Variants in FARP1 observed in about 807,000 individuals in gnomAD.
The protein encoded by FARP1 is FERM, ARHGEF and pleckstrin domain-containing protein 1.
FARP1 carries 52 observed loss-of-function variants against 128.8 expected under a neutral mutation model. That is an observed-to-expected ratio of 0.40 (90% CI 0.32 to 0.51). The LOEUF (loss-of-function observed/expected upper bound fraction) is 0.51. Ranked by LOEUF, FARP1 falls within the 20% of genes least tolerant of loss-of-function variation. FARP1 has a pLI of 0.45. For missense variants in FARP1, 1,333 were observed against 1,367.9 expected (o/e 0.97, Z 0.40); for synonymous variants, 580 against 551.8 (o/e 1.05, Z -0.72).
chr13:98,215,579 A>C (rs1881010131), intron 2 of FARP1, among the ~76,000 whole-genome samples: 1 of 152,216 alleles, frequency 6.6e-6, no homozygotes, highest in Non-Finnish European at 1.5e-5. Flanking sequence ...AATTCTTGAC[A>C]TGTAGTAAGA....
At chr13:98,188,324 C>T (rs1240387892) in intron 1 of FARP1, among the ~76,000 whole-genome samples, 8 of 152,098 alleles carry the variant, frequency 5.3e-5, no homozygotes, top group South Asian at 2.1e-4. Flanking sequence ...GAGGCCGAGG[C>T]GGGCGGATCA....
intron 1 of FARP1, among the ~76,000 whole-genome samples, chr13:98,190,152 G>C (rs768786973): frequency 6.6e-6 from 1 of 152,056 alleles, no homozygotes; most frequent in African/African-American, 2.4e-5. Flanking sequence ...TTTAATGGTG[G>C]TGGGATTAAA....
At chr13:98,385,582 C>G in intron 7 of FARP1, 85 bp from the exon 8 acceptor site, 1 of 1,469,892 alleles carries the variant, frequency 6.8e-7, no homozygotes, top group Admixed American at 1.7e-5. Flanking sequence ...CTTTGTATTT[C>G]CCAGGAGAAG....
intron 2 of FARP1, among the ~76,000 whole-genome samples, chr13:98,311,103 A>G (rs1457109077): frequency 6.6e-6 from 1 of 152,246 alleles, no homozygotes. Flanking sequence ...AGCAGAAACA[A>G]TCACACTTAC....
At position 98,389,982 on chromosome 13, in the gene FARP1, T is replaced by C. The variant is rs1890245331; in HGVS notation, c.881T>C (p.Phe294Ser). The stretch of plus-strand genomic sequence containing the variant: ...AGTGCGTACCAGGATACCTTGGAAT[T>C]CCTGATGGCCAGTCGGGATTTCTGC... ...ANSAYQDTLE[F>S]LMASRDFCKS... Residue 294 changes from phenylalanine to serine, a missense_variant, in exon 10 of 27, where the codon TTC becomes TCC. Transcript: ENST00000319562. 1 of 1,614,202 alleles carries C rather than the reference T, an allele frequency of 6.2e-7. No homozygotes were observed. The highest frequency in any genetic ancestry group is 8.5e-7 in the Non-Finnish European group (1 of 1,180,036).
Position 98,446,752 on chromosome 13 carries a change from G to A in FARP1, c.2991G>A (p.Val997=), listed in dbSNP as rs774777880. ...SESENIQKDY[V]FKLHFKSHVY... Reference sequence around the variant, plus strand: ...CCGAGAACATCCAGAAAGACTACGTGTTCAAGCTGCACTTCAAGTCCCACG... The same window carrying A: ...CCGAGAACATCCAGAAAGACTACGTATTCAAGCTGCACTTCAAGTCCCACG... Residue 997 remains valine (V), a synonymous_variant, in exon 26 of 27, where the codon GTG becomes GTA. Transcript: ENST00000319562. 29 of 1,614,046 alleles carry A rather than the reference G, an allele frequency of 1.8e-5. No individual in the cohort carries two copies. Among genetic ancestry groups the A allele is most frequent in the Non-Finnish European group, 2.5e-5 (29 of 1,180,040 alleles).
At chr13:98,384,004 T>C (rs1889991387) in intron 6 of FARP1, 1 of 152,218 alleles carries the variant, frequency 6.6e-6, no homozygotes, top group South Asian at 2.1e-4. Context: ...GCACTAGTCA[T>C]TGCTAATATA....
intron 1 of FARP1, among the ~76,000 whole-genome samples, chr13:98,209,299 C>T (rs759503342): frequency 7.9e-5 from 12 of 151,308 alleles, no homozygotes; most frequent in East Asian, 2.0e-4. Flanking sequence ...TGAGCCACCG[C>T]GCCCAGCCAA....
chr13:98,167,608 C>G (rs1208741560), intron 1 of FARP1, among the ~76,000 whole-genome samples: 1 of 151,886 alleles, frequency 6.6e-6, no homozygotes, highest in African/African-American at 2.4e-5. Flanking sequence ...TAGGGTTTCA[C>G]CATGTTGGCC....
chr13:98,406,058 C>T (rs938946024), intron 13 of FARP1: 3 of 152,188 alleles, frequency 2.0e-5, no homozygotes, highest in African/African-American at 7.2e-5. Flanking sequence ...GTTCTAATAA[C>T]TCTGTGACCT....
chr13:98,384,439 C>A, intron 6 of FARP1: 1 of 359,510 alleles, frequency 2.8e-6, no homozygotes, highest in Non-Finnish European at 5.1e-6. Context: ...GTGATCCACC[C>A]GTCCTGGACT....
At chr13:98,397,719 G>C (rs942796164) in intron 13 of FARP1, 1 of 152,032 alleles carries the variant, frequency 6.6e-6, no homozygotes, top group African/African-American at 2.4e-5. Context: ...GGGCTTCCCA[G>C]CTGTTTGTAC....
chr13:98,348,882 T>G (rs540692255), intron 3 of FARP1, among the ~76,000 whole-genome samples: 1 of 152,288 alleles, frequency 6.6e-6, no homozygotes, highest in Non-Finnish European at 1.5e-5. Context: ...TAACCCAAAT[T>G]TTACAGTGAG....
intron 16 of FARP1, among the ~76,000 whole-genome samples, chr13:98,422,034 G>A (rs1178500025): frequency 6.6e-6 from 1 of 152,130 alleles, no homozygotes; most frequent in Non-Finnish European, 1.5e-5. Flanking sequence ...ATCATGAACC[G>A]AAACCACGGC....
chr13:98,303,900 G>A (rs1368934342), intron 2 of FARP1, among the ~76,000 whole-genome samples: 1 of 152,164 alleles, frequency 6.6e-6, no homozygotes, highest in African/African-American at 2.4e-5. Context: ...TGAAAGACCT[G>A]AAAGTTAATT....
At chr13:98,291,801 G>T (rs1225874122) in intron 2 of FARP1, among the ~76,000 whole-genome samples, 2 of 152,178 alleles carry the variant, frequency 1.3e-5, no homozygotes, top group Non-Finnish European at 2.9e-5. Context: ...AAGTGGCCCT[G>T]CCAACTCTCT....
intron 3 of FARP1, among the ~76,000 whole-genome samples, chr13:98,347,474 A>G (rs1015303285): frequency 2.0e-5 from 3 of 152,182 alleles, no homozygotes; most frequent in African/African-American, 7.2e-5. Flanking sequence ...TAGACACGTC[A>G]TCAAGTAAGT....
intron 2 of FARP1, among the ~76,000 whole-genome samples, chr13:98,268,324 C>G (rs1884224365): frequency 6.6e-6 from 1 of 152,020 alleles, no homozygotes; most frequent in Non-Finnish European, 1.5e-5. Flanking sequence ...GTTGCCGTTG[C>G]CTGGAATAAA....
intron 2 of FARP1, among the ~76,000 whole-genome samples, chr13:98,241,294 A>G (rs1481944635): frequency 6.6e-6 from 1 of 151,544 alleles, no homozygotes; most frequent in African/African-American, 2.4e-5. Context: ...GGGGAGGTGG[A>G]CGGCATGTGC....
Sources: gnomAD v4.1 joint callset for allele counts (sites outside exome capture counted in the v4.1 genomes callset) on GRCh38, gnomAD v4.1.1 for gene constraint, MANE v1.5 for transcripts, NCBI Gene and HGNC (gene_info 2026-07-23, HGNC 2026-07-21) for gene names.